CSNK1G3: variants seen among roughly 807,000 people sequenced by gnomAD.
CSNK1G3 encodes the protein casein kinase 1 gamma 3.
CSNK1G3 carries 23 observed loss-of-function variants against 64.3 expected under a neutral mutation model. That is an observed-to-expected ratio of 0.36 (90% CI 0.26 to 0.51). The LOEUF (loss-of-function observed/expected upper bound fraction) is 0.51, where lower values mean the gene tolerates loss of function less well. Ranked by LOEUF, CSNK1G3 falls within the 20% of genes least tolerant of loss-of-function variation. The probability of loss-of-function intolerance (pLI) is 0.96; values close to 1 mark genes in which losing one functional copy is unlikely to be tolerated. For missense variants in CSNK1G3, 357 were observed against 510.5 expected, an observed-to-expected ratio of 0.70 and a Z score of 2.90; for synonymous variants, 158 against 162.2, an observed-to-expected ratio of 0.97 and a Z score of 0.20.
intron 12 of CSNK1G3, 108 bp from the exon 14 acceptor site, chr5:123,614,234 C>G (rs1275509767): frequency 1.0e-6 from 1 of 971,854 alleles, no homozygotes; most frequent in African/African-American, 1.7e-5. Context: ...CACTGTTTAT[C>G]TTGCACTAGC....
At chr5:123,603,575 C>T (rs887193886) in intron 10 of CSNK1G3, among the ~76,000 whole-genome samples, 15 of 152,024 alleles carry the variant, frequency 9.9e-5, no homozygotes, top group Non-Finnish European at 1.6e-4. Flanking sequence ...AACATGAATA[C>T]TGATAAATAC....
chr5:123,562,950 T>C (rs527833502), intron 4 of CSNK1G3, among the ~76,000 whole-genome samples: 1 of 152,142 alleles, frequency 6.6e-6, no homozygotes, highest in African/African-American at 2.4e-5. Flanking sequence ...TTCATGAAAA[T>C]GCATAGAACA....
At chr5:123,548,780 GCA>G (rs1255176948) in intron 2 of CSNK1G3, among the ~76,000 whole-genome samples, 2 of 151,872 alleles carry the variant, frequency 1.3e-5, no homozygotes, top group Non-Finnish European at 2.9e-5. Context: ...GAATTGATGT[GCA>G]AATACTCCTT....
intron 2 of CSNK1G3, among the ~76,000 whole-genome samples, chr5:123,549,923 A>G (rs1783318883): frequency 6.6e-6 from 1 of 152,160 alleles, no homozygotes; most frequent in Non-Finnish European, 1.5e-5. Context: ...CTTCCATAAC[A>G]TCTCTTATTT....
intron 6 of CSNK1G3, among the ~76,000 whole-genome samples, chr5:123,576,450 G>A (rs1253020375): frequency 6.6e-6 from 1 of 152,124 alleles, no homozygotes; most frequent in Non-Finnish European, 1.5e-5. Context: ...CTTCGGACAA[G>A]TTTAACCTTT....
intron 4 of CSNK1G3, among the ~76,000 whole-genome samples, chr5:123,558,571 C>G (rs1454047547): frequency 1.3e-5 from 2 of 152,224 alleles, no homozygotes; most frequent in East Asian, 1.9e-4. Context: ...ATACTGATAT[C>G]AGTTTTACAT....
At chr5:123,538,437 A>C (rs1781176564) in intron 1 of CSNK1G3, among the ~76,000 whole-genome samples, 1 of 152,216 alleles carries the variant, frequency 6.6e-6, no homozygotes, top group Non-Finnish European at 1.5e-5. Context: ...GATACTGAGC[A>C]GTGCTTCATA....
rs192365283 is a variant in CSNK1G3 at position 123,516,579 on chromosome 5, C to T, written c.-248+4009C>T. Among the ~76,000 whole-genome samples, 26 of 152,268 alleles carry T rather than the reference C, an allele frequency of 1.7e-4. No homozygotes were observed. In the East Asian group the frequency reaches 5.0e-3, roughly 29 times the overall value. On this transcript the variant is annotated intron_variant, in intron 1 of 12. Coordinates refer to ENST00000345990, the Ensembl canonical transcript of CSNK1G3. ...TTATACTCTCTCCTGCCACTTCGTG[C>T]TTATCATCTTAGTTATAAGAAATAA...
At chr5:123,561,113 T>C (rs1785615978) in intron 4 of CSNK1G3, among the ~76,000 whole-genome samples, 1 of 152,250 alleles carries the variant, frequency 6.6e-6, no homozygotes, top group South Asian at 2.1e-4. Context: ...CTTTCCTTTA[T>C]GTAGCTTCTC....
chr5:123,550,800 G>T (rs926288954), intron 2 of CSNK1G3, among the ~76,000 whole-genome samples: 3 of 152,080 alleles, frequency 2.0e-5, no homozygotes, highest in African/African-American at 7.2e-5. Context: ...CACATACTTT[G>T]TGCATCATTT....
chr5:123,596,195 T>C (rs1793409512), intron 10 of CSNK1G3, among the ~76,000 whole-genome samples: 2 of 152,056 alleles, frequency 1.3e-5, no homozygotes, highest in Non-Finnish European at 2.9e-5. Context: ...TGGAGTACTT[T>C]TGTAGAATTT....
chr5:123,571,323 G>A (rs534660666), intron 4 of CSNK1G3, among the ~76,000 whole-genome samples: 3 of 151,794 alleles, frequency 2.0e-5, no homozygotes, highest in Non-Finnish European at 4.4e-5. Context: ...TTGCTCTGTC[G>A]CCCAGGCTGG....
At chr5:123,536,998 T>G (rs1438778956) in intron 1 of CSNK1G3, among the ~76,000 whole-genome samples, 1 of 152,096 alleles carries the variant, frequency 6.6e-6, no homozygotes, top group Non-Finnish European at 1.5e-5. Flanking sequence ...GGAATGTAAA[T>G]TAGTACAACC....
rs141654673 is a variant in CSNK1G3, at chr5:123,613,106, T to C, written c.1218-1236T>C. Among the ~76,000 whole-genome samples the C allele has an allele frequency of 4.6e-3, 698 of 152,252 alleles. 5 individuals carry two copies. The highest frequency in any genetic ancestry group is 0.016 in the African/African-American group (652 of 41,546). ...ATATTTTAATAGACTCTTTTATGTC[T>C]GGAAGGGGAAAATGCCATACCTTCA... On this transcript the variant is annotated intron_variant, in intron 12 of 12. Coordinates refer to ENST00000345990, the Ensembl canonical transcript of CSNK1G3.
chr5:123,575,474 G>T (rs758827286), intron 5 of CSNK1G3, among the ~76,000 whole-genome samples: 2 of 152,178 alleles, frequency 1.3e-5, no homozygotes, highest in African/African-American at 4.8e-5. Flanking sequence ...ATTGAATCAG[G>T]CTTGCTGATA....
intron 3 of CSNK1G3, 103 bp from the exon 4 acceptor site, chr5:123,557,392 A>G (rs1315543975): frequency 1.4e-6 from 1 of 726,460 alleles, no homozygotes; most frequent in Non-Finnish European, 2.4e-6. Flanking sequence ...CTGGTAGACT[A>G]TTACATAATA....
chr5:123,532,945 A>G (rs1043848666), intron 1 of CSNK1G3, among the ~76,000 whole-genome samples: 1 of 151,860 alleles, frequency 6.6e-6, no homozygotes, highest in African/African-American at 2.4e-5. Flanking sequence ...ACTTTTATGA[A>G]TTCTAAATAA....
intron 1 of CSNK1G3, among the ~76,000 whole-genome samples, chr5:123,537,132 C>T (rs1021575210): frequency 6.6e-6 from 1 of 152,152 alleles, no homozygotes. Flanking sequence ...AAGATGCTTG[C>T]ACTCCTACAT....
intron 1 of CSNK1G3, among the ~76,000 whole-genome samples, chr5:123,520,142 A>C (rs964189370): frequency 1.3e-5 from 2 of 152,230 alleles, no homozygotes; most frequent in Admixed American, 1.3e-4. Context: ...TAGCCTGCTT[A>C]AATGAAAATG....
Sources: allele counts gnomAD v4.1 joint callset (sites outside exome capture counted in the v4.1 genomes callset), GRCh38; gene constraint gnomAD v4.1.1; transcripts MANE v1.5; gene names NCBI Gene and HGNC (gene_info 2026-07-23, HGNC 2026-07-21).